The following PRPF4 variants were observed in gnomAD, a reference collection of about 807,000 sequenced individuals.
The protein encoded by PRPF4 is pre-mRNA splicing tri-snRNP complex factor PRPF4, also known as U4/U6 small nuclear ribonucleoprotein Prp4.
PRPF4 carries 14 observed loss-of-function variants against 72.2 expected under a neutral mutation model. The ratio of observed to expected loss-of-function variants is 0.19; its 90% CI spans 0.13 to 0.30. The LOEUF is 0.30. Among genes scored for constraint, PRPF4 ranks in the 10% least tolerant of loss-of-function variants. The pLI is 1.00. For synonymous variants in PRPF4, 225 were observed against 232.2 expected, an observed-to-expected ratio of 0.97 and a Z score of 0.28; for missense variants, 478 against 653.9, an observed-to-expected ratio of 0.73 and a Z score of 2.93.
chr9:113,290,516 T>G lies in PRPF4; in HGVS notation c.1073T>G (p.Leu358Arg). Residue 358 changes from leucine (L) to arginine (R), a missense_variant, in exon 11 of 14, where the codon CTG becomes CGG. Physicochemically the swap from Leu to Arg is moderately radical, Grantham distance 102. Coordinates refer to ENST00000374198, the MANE Select transcript of PRPF4 (RefSeq NM_001244926.2). ...LWDLEAQEEI[L>R]HQEGHSMGVY... is the part of the protein sequence containing the mutation. ...GATTTGGAGGCTCAAGAGGAGATCC[T>G]GCATCAGGAAGGCCATAGCATGGGT... 1 of 1,614,222 alleles carries G rather than the reference T, an allele frequency of 6.2e-7. No individual in the cohort carries two copies. The highest frequency in any genetic ancestry group is 8.5e-7 in the Non-Finnish European group (1 of 1,180,040).
intron 1 of PRPF4, 25 bp downstream of exon 1, chr9:113,275,795 A>T (rs765392582): frequency 6.2e-7 from 1 of 1,608,796 alleles, no homozygotes; most frequent in African/African-American, 1.3e-5. Flanking sequence ...ATCCCAGCTC[A>T]CTCTGGCAGG....
chr9:113,285,883 C>T (rs887080941), intron 7 of PRPF4, among the ~76,000 whole-genome samples: 6 of 151,914 alleles, frequency 3.9e-5, no homozygotes, highest in African/African-American at 9.7e-5. Context: ...AATTTAAATA[C>T]TTTGTAATCA....
chr9:113,277,157 T>C (rs1164538623), intron 2 of PRPF4, among the ~76,000 whole-genome samples: 1 of 152,138 alleles, frequency 6.6e-6, no homozygotes, highest in Non-Finnish European at 1.5e-5. Context: ...GTATTTTGCC[T>C]ACCCCCTTAT....
chr9:113,284,225 T>A (rs951850237), intron 6 of PRPF4, 70 bp from the exon 7 acceptor site: 1 of 1,194,820 alleles, frequency 8.4e-7, no homozygotes, highest in Admixed American at 1.9e-5. Flanking sequence ...CTTTTTATGG[T>A]GGAAAAGCAA....
intron 2 of PRPF4, 108 bp downstream of exon 2, chr9:113,276,833 T>C: frequency 7.6e-7 from 1 of 1,308,620 alleles, no homozygotes; most frequent in South Asian, 1.5e-5. Flanking sequence ...TTTTTTTTTT[T>C]TAAACAGAGT....
Position 113,290,903 on chromosome 9 carries a change from A to G in PRPF4, c.1259A>G (p.His420Arg). The G allele has an allele frequency of 6.2e-7, 1 of 1,614,168 alleles. No individual in the cohort carries two copies. The highest frequency in any genetic ancestry group is 1.3e-5 in the African/African-American group (1 of 75,058). ...ATACTGCATCCAATCCACAGCTATC[A>G]CATTGCAACCGGCAGTGGTGACAAC... Reference protein sequence around the residue: ...YGINFSPNGYHIATGSGDNTC... With the variant: ...YGINFSPNGYRIATGSGDNTC... Residue 420 changes from histidine to arginine, a missense_variant, in exon 13 of 14, where the codon CAC (histidine) becomes CGC (arginine). Coordinates refer to ENST00000374198, the MANE Select transcript of PRPF4 (RefSeq NM_001244926.2).
At chr9:113,289,095 T>G (rs995076504) in intron 10 of PRPF4, among the ~76,000 whole-genome samples, 2 of 152,252 alleles carry the variant, frequency 1.3e-5, no homozygotes, top group African/African-American at 4.8e-5. Flanking sequence ...TCACCACAAA[T>G]TAATTATGTC....
rs1445817097 is a variant in PRPF4, at chr9:113,292,436, C to T, written c.*776C>T. On this transcript the variant is annotated 3_prime_UTR_variant, in exon 14 of 14. Coordinates refer to ENST00000374198, the MANE Select transcript of PRPF4 (RefSeq NM_001244926.2). ...TCATTGGTTAAACAATGCATCATAG[C>T]GAGCACTTTTCCTTTCCCTGGAGAA... 6.6e-6 allele frequency: 1 copy of T among 152,158 alleles called. No individual in the cohort carries two copies. The highest frequency in any genetic ancestry group is 1.5e-5 in the Non-Finnish European group (1 of 68,060). 9.4% of individuals were successfully genotyped at this position (152,158 alleles called of 1,614,324 possible).
chr9:113,284,268 C>CGT lies in PRPF4; in HGVS notation c.655-20_655-19dup. The CGT allele has an allele frequency of 4.0e-6, 6 of 1,495,874 alleles. 1 individual carries two copies. The highest frequency in any genetic ancestry group is 3.4e-5 in the South Asian group (3 of 88,548). 92.7% of individuals were successfully genotyped at this position (1,495,874 alleles called of 1,614,324 possible). ...CTTAGATTAACCTATTAATGATCAC[C>CGT]GTGTGTGTATTTTTTTTCTTTTTAA... On this transcript the variant is annotated intron_variant, in intron 6 of 13. Coordinates refer to ENST00000374198, the MANE Select transcript of PRPF4 (RefSeq NM_001244926.2).
At chr9:113,290,429 T>C (rs1398731577) in intron 10 of PRPF4, 37 bp from the exon 11 acceptor site, 1 of 1,613,602 alleles carries the variant, frequency 6.2e-7, no homozygotes, top group South Asian at 1.1e-5. Flanking sequence ...ACTGAATAAA[T>C]ATCAGCTGGT....
rs1476252012 is a variant in PRPF4 at position 113,291,722 on chromosome 9, A to G, written c.*62A>G. On this transcript the variant is annotated 3_prime_UTR_variant, in exon 14 of 14. Coordinates refer to ENST00000374198, the MANE Select transcript of PRPF4 (RefSeq NM_001244926.2). ...TCTAAGGAGCTGTTTTCCTCAAACG[A>G]GAAGAATTGAAGTGTTTAGTTCTAT... is the stretch of plus-strand genomic sequence containing the variant. The G allele has an allele frequency of 1.3e-6, 2 of 1,506,880 alleles. No individual in the cohort carries two copies. Among genetic ancestry groups the G allele is most frequent in the Non-Finnish European group, 1.8e-6 (2 of 1,097,842 alleles). The allele number at this position is 1,506,880 out of a possible 1,614,324, so 93.3% of individuals were successfully genotyped here.
At chr9:113,277,636 T>C (rs577991665) in intron 2 of PRPF4, among the ~76,000 whole-genome samples, 1 of 152,204 alleles carries the variant, frequency 6.6e-6, no homozygotes, top group South Asian at 2.1e-4. Flanking sequence ...TCCGCCCACC[T>C]CGGCCTCCCA....
chr9:113,284,475 C>T, intron 7 of PRPF4, 86 bp downstream of exon 7: 1 of 1,101,938 alleles, frequency 9.1e-7, no homozygotes, highest in East Asian at 2.4e-5. Context: ...ACGTCTATTT[C>T]TACGTCCTCT....
chr9:113,283,316 G>A (rs1832336635), intron 5 of PRPF4, 73 bp from the exon 6 acceptor site: 2 of 1,611,864 alleles, frequency 1.2e-6, no homozygotes, highest in Non-Finnish European at 1.7e-6. Context: ...GAAATTGAGG[G>A]GTAGAGTAGG....
chr9:113,276,553 C>A lies in PRPF4; in HGVS notation c.33C>A (p.Thr11=). 1 of 1,614,068 alleles carries A rather than the reference C, an allele frequency of 6.2e-7. No homozygotes were observed. The highest frequency in any genetic ancestry group is 1.7e-5 in the Admixed American group (1 of 60,010). ...GCAGATCTTTGATTTAGCAGGCAAC[C>A]AAAACTAAAGCACCCGACGACTTAG... is the stretch of plus-strand genomic sequence containing the variant. The part of the protein sequence containing the change: MASSRASSTA[T]KTKAPDDLVA... Residue 11 remains threonine, a synonymous_variant, in exon 2 of 14, where the codon ACC becomes ACA. Transcript: ENST00000374198.
chr9:113,290,562 T>C lies in PRPF4; in HGVS notation c.1119T>C (p.His373=). 1 of 1,614,202 alleles carries C rather than the reference T, an allele frequency of 6.2e-7. No homozygotes were observed. ...HSMGVYDIAF[H]QDGSLAGTGG... is the part of the protein sequence containing the mutation. ...TGGGTGTGTATGACATTGCCTTCCATCAAGATGGCTCTTTGGCTGGCACTG... is the reference window on the plus strand; with the variant it reads ...TGGGTGTGTATGACATTGCCTTCCACCAAGATGGCTCTTTGGCTGGCACTG... The change falls in exon 11 of 14, where the codon CAT becomes CAC. Residue 373 remains histidine (H), a synonymous_variant. Transcript: ENST00000374198.
At chr9:113,286,905 T>TA (rs1267504817) in intron 9 of PRPF4, 77 bp downstream of exon 9, 1 of 1,604,334 alleles carries the variant, frequency 6.2e-7, no homozygotes, top group Non-Finnish European at 8.5e-7. Flanking sequence ...AGGACCTCAG[T>TA]AAAAATCTGG....
Position 113,284,936 on chromosome 9 carries a change from G to C in PRPF4, c.749+547G>C, listed in dbSNP as rs576891428. On this transcript the variant is annotated intron_variant, in intron 7 of 13. Coordinates refer to ENST00000374198, the MANE Select transcript of PRPF4 (RefSeq NM_001244926.2). ...TAACTTTGTTGTTTTGTTTGAGTTTGGTTGTGTTTTTCTGTGGGACATGGC... is the reference window on the plus strand; with the variant it reads ...TAACTTTGTTGTTTTGTTTGAGTTTCGTTGTGTTTTTCTGTGGGACATGGC... Among the ~76,000 whole-genome samples, 45 of 152,178 alleles carry C rather than the reference G, an allele frequency of 3.0e-4. 1 individual carries two copies. The South Asian group carries it at 8.3e-3, about 28-fold the overall frequency.
intron 10 of PRPF4, among the ~76,000 whole-genome samples, chr9:113,288,557 C>T (rs1176661428): frequency 6.6e-6 from 1 of 151,980 alleles, no homozygotes; most frequent in African/African-American, 2.4e-5. Flanking sequence ...CTGCCTCGAC[C>T]TCCCGAGTAG....
Sources: allele counts gnomAD v4.1 joint callset (sites outside exome capture counted in the v4.1 genomes callset), GRCh38; gene constraint gnomAD v4.1.1; transcripts MANE v1.5; gene names NCBI Gene and HGNC (gene_info 2026-07-23, HGNC 2026-07-21).